CELF5: variants seen among roughly 807,000 people sequenced by gnomAD.
CELF5 encodes CUG-BP and ETR-3 like factor 5.
CELF5 carries 6 observed loss-of-function variants against 54.9 expected under a neutral mutation model. The observed-to-expected ratio is 0.11, with a 90% confidence interval of 0.06 to 0.22. The LOEUF (loss-of-function observed/expected upper bound fraction) is 0.22, where lower values mean the gene tolerates loss of function less well. Among genes scored for constraint, CELF5 ranks in the 10% least tolerant of loss-of-function variants. The pLI is 1.00. For missense variants in CELF5, 401 were observed against 678.6 expected, an observed-to-expected ratio of 0.59 and a Z score of 4.54; for synonymous variants, 271 against 290.9, an observed-to-expected ratio of 0.93 and a Z score of 0.70.
At chr19:3,237,785 C>T (rs1341155217) in intron 1 of CELF5, among the ~76,000 whole-genome samples, 1 of 152,220 alleles carries the variant, frequency 6.6e-6, no homozygotes, top group East Asian at 1.9e-4. Context: ...CGCGGTGGCT[C>T]ACGCCTGTAA....
At chr19:3,262,648 A>C (rs1163840115) in intron 2 of CELF5, among the ~76,000 whole-genome samples, 1 of 152,160 alleles carries the variant, frequency 6.6e-6, no homozygotes, top group Non-Finnish European at 1.5e-5. Flanking sequence ...GAGAAAGGCA[A>C]GATTTAAATT....
intron 2 of CELF5, among the ~76,000 whole-genome samples, 182 bp from the exon 3 acceptor site, chr19:3,273,690 C>T (rs532161067): frequency 6.6e-6 from 1 of 152,290 alleles, no homozygotes; most frequent in African/African-American, 2.4e-5. Context: ...GTTCGCCACA[C>T]AGTTTCCGCT....
chr19:3,258,045 C>G (rs1020529683), intron 2 of CELF5, among the ~76,000 whole-genome samples: 1 of 151,628 alleles, frequency 6.6e-6, no homozygotes, highest in Non-Finnish European at 1.5e-5. Context: ...ACTGTGGCCT[C>G]CACCTCCCGG....
chr19:3,293,903 C>A lies in CELF5; in HGVS notation c.*40+417C>A, dbSNP rs183856049. The A allele has an allele frequency of 4.8e-5, 8 of 166,258 alleles. No individual in the cohort carries two copies. The East Asian group carries it at 1.2e-3, about 24-fold the overall frequency. The allele number at this position is 166,258 out of a possible 1,614,324, so 10.3% of individuals were successfully genotyped here. ...ACCAGACGGAAATGCCAAGTGCCCA[C>A]CCCAGACCCCAAACCCTAAGGTTGG... On this transcript the variant is annotated intron_variant, in intron 12 of 12. Transcript: ENST00000292672.
chr19:3,234,408 T>C (rs188757569), intron 1 of CELF5, among the ~76,000 whole-genome samples: 1 of 152,290 alleles, frequency 6.6e-6, no homozygotes, highest in East Asian at 1.9e-4. Flanking sequence ...CATGATGTGG[T>C]TCTCAATGGG....
chr19:3,260,395 C>T (rs2079791491), intron 2 of CELF5, among the ~76,000 whole-genome samples: 1 of 152,160 alleles, frequency 6.6e-6, no homozygotes, highest in African/African-American at 2.4e-5. Context: ...CTCAGCCTCC[C>T]AAAATGCTGG....
intron 1 of CELF5, among the ~76,000 whole-genome samples, chr19:3,240,161 T>C (rs28405638): frequency 0.15 from 23,444 of 151,672 alleles, 2,063 homozygotes; most frequent in East Asian, 0.26. Context: ...GAATTATAGG[T>C]GCACGCCACC....
chr19:3,285,669 A>ACCC (rs79366304), intron 9 of CELF5, among the ~76,000 whole-genome samples: 436 of 42,156 alleles, frequency 0.01, 2 homozygotes, highest in African/African-American at 0.02. Flanking sequence ...GTCCGCCCCC[A>ACCC]CCCCCCCTTC....
intron 1 of CELF5, among the ~76,000 whole-genome samples, chr19:3,230,469 T>C (rs1211420574): frequency 6.6e-6 from 1 of 152,176 alleles, no homozygotes; most frequent in African/African-American, 2.4e-5. Flanking sequence ...ACTGGATCTA[T>C]GAAGGCCTGG....
chr19:3,277,997 T>G (rs1344328543), intron 4 of CELF5, 34 bp from the exon 5 acceptor site: 1 of 1,588,138 alleles, frequency 6.3e-7, no homozygotes, highest in African/African-American at 1.3e-5. Flanking sequence ...TGTGACCCCA[T>G]CACCCTCTAC....
At chr19:3,225,663 A>C in intron 1 of CELF5, 1 of 912,488 alleles carries the variant, frequency 1.1e-6, no homozygotes, top group Non-Finnish European at 1.3e-6. Context: ...GCTCGGGGGG[A>C]CGCGCCCGCC....
intron 1 of CELF5, among the ~76,000 whole-genome samples, chr19:3,243,455 A>G (rs1180263132): frequency 6.6e-6 from 1 of 151,994 alleles, no homozygotes; most frequent in East Asian, 1.9e-4. Flanking sequence ...TAATTTTTAA[A>G]ATTATTTGCA....
chr19:3,261,258 A>G (rs2079803881), intron 2 of CELF5, among the ~76,000 whole-genome samples: 1 of 152,030 alleles, frequency 6.6e-6, no homozygotes. Flanking sequence ...TGTCTACTAA[A>G]AATACAAAAA....
intron 12 of CELF5, chr19:3,295,066 G>C (rs959938382): frequency 6.6e-6 from 1 of 152,368 alleles, no homozygotes; most frequent in African/African-American, 2.4e-5. Context: ...CCCATCCCAG[G>C]AGGGTTTTCT....
chr19:3,256,534 T>TTTA (rs58462515), intron 2 of CELF5, among the ~76,000 whole-genome samples: 10,685 of 144,370 alleles, frequency 0.074, 436 homozygotes, highest in South Asian at 0.11. Context: ...GGAGGTTTCA[T>TTTA]TTATTATTAT....
Position 3,273,904 on chromosome 19 carries a change from C to T in CELF5, c.375C>T (p.Asp125=). ...GGCCAATCCAGGTGAAGCCTGCGGA[C>T]AGTGAAAGCCGCGGAGGTAGTTGTC... ...MARPIQVKPA[D]SESRGGRDRK... The change falls in exon 3 of 13, where the codon GAC becomes GAT. Residue 125 remains aspartate (D), a synonymous_variant. Coordinates refer to ENST00000292672, the MANE Select transcript of CELF5 (RefSeq NM_021938.4). 6.2e-7 allele frequency: 1 copy of T among 1,613,734 alleles called. No individual in the cohort carries two copies. The highest frequency in any genetic ancestry group is 8.5e-7 in the Non-Finnish European group (1 of 1,179,664).
chr19:3,284,469 T>C (rs2080201013), intron 8 of CELF5, among the ~76,000 whole-genome samples: 1 of 151,978 alleles, frequency 6.6e-6, no homozygotes. Flanking sequence ...AGGCTACAGC[T>C]AGATGGGGGA....
chr19:3,249,025 G>A (rs1206926694), intron 1 of CELF5, among the ~76,000 whole-genome samples: 1 of 151,732 alleles, frequency 6.6e-6, no homozygotes, highest in Non-Finnish European at 1.5e-5. Flanking sequence ...TGGACCTGGG[G>A]TGGGTTCCCT....
rs1257950653 is a variant in CELF5 at position 3,281,236 on chromosome 19, C to G, written c.641C>G (p.Thr214Arg). The change falls in exon 6 of 13, where the codon ACG becomes AGG. Residue 214 changes from threonine (T) to arginine (R), a missense_variant. Physicochemically the swap from Thr to Arg is moderately conservative, Grantham distance 71 (BLOSUM62 -1). Around this residue, in one of 6 missense-constraint regions of CELF5, gnomAD observed 87 missense variants for 190.2 expected, o/e 0.46. Transcript: ENST00000292672. The surrounding 1 kb of genome is among the most constrained non-coding windows in gnomAD (Gnocchi z 6.5). ...AGCCTGGTGGTCAAGTTCGCCGACA[C>G]GGACAAGGAGCGGACGCTCCGGCGC... ...SSSLVVKFAD[T>R]DKERTLRRMQ... The G allele has an allele frequency of 2.5e-6, 4 of 1,610,004 alleles. No homozygotes were observed. The highest frequency in any genetic ancestry group is 1.7e-4 in the Middle Eastern group (1 of 6,058).
Sources: gnomAD v4.1 joint callset for allele counts (sites outside exome capture counted in the v4.1 genomes callset) on GRCh38, gnomAD v4.1.1 for gene constraint, gnomAD v4.1.1 regional missense constraint, Gnocchi (gnomAD v3.1) non-coding constraint, MANE v1.5 for transcripts, NCBI Gene and HGNC (gene_info 2026-07-23, HGNC 2026-07-21) for gene names.